Variants in RAD51B observed in about 807,000 individuals in gnomAD.
The protein encoded by RAD51B is RAD51 paralog B.
A neutral mutation model predicts 42.2 loss-of-function variants in RAD51B; 38 were observed. The ratio of observed to expected loss-of-function variants is 0.90; its 90% CI spans 0.70 to 1.18. The LOEUF is 1.18. RAD51B is among the 50% of genes most tolerant of loss of function. The pLI is 0.00. For synonymous variants in RAD51B, 154 were observed against 145.2 expected (o/e 1.06, Z -0.43); for missense variants, 373 against 400.7 (o/e 0.93, Z 0.59).
intron 7 of RAD51B, among the ~76,000 whole-genome samples, chr14:67,902,213 ATAT>A (rs2043635843): frequency 1.3e-5 from 2 of 152,110 alleles, no homozygotes; most frequent in African/African-American, 4.8e-5. Context: ...ATTACTAATA[ATAT>A]TAATAGATGA....
At chr14:68,647,018 A>G (rs891232205) in intron 10 of RAD51B, among the ~76,000 whole-genome samples, 1 of 152,234 alleles carries the variant, frequency 6.6e-6, no homozygotes, top group African/African-American at 2.4e-5. Context: ...GGTCAGATAT[A>G]TATGTAAGAT....
intron 7 of RAD51B, among the ~76,000 whole-genome samples, chr14:68,056,783 TAAG>T (rs1399540934): frequency 6.6e-6 from 1 of 150,988 alleles, no homozygotes; most frequent in African/African-American, 2.4e-5. Flanking sequence ...ATAAATAAAA[TAAG>T]AAATATTTAC....
At chr14:67,979,014 C>T (rs1333702645) in intron 7 of RAD51B, among the ~76,000 whole-genome samples, 1 of 152,134 alleles carries the variant, frequency 6.6e-6, no homozygotes, top group Admixed American at 6.6e-5. Flanking sequence ...GAAAATGCTT[C>T]CATATGCTAA....
chr14:68,384,380 C>T (rs1461987433), intron 8 of RAD51B, among the ~76,000 whole-genome samples: 1 of 152,158 alleles, frequency 6.6e-6, no homozygotes, highest in Non-Finnish European at 1.5e-5. Flanking sequence ...ATGGCTATGT[C>T]CTGGCTGGCC....
intron 7 of RAD51B, among the ~76,000 whole-genome samples, chr14:68,229,315 T>A (rs2080101801): frequency 6.6e-6 from 1 of 152,214 alleles, no homozygotes; most frequent in South Asian, 2.1e-4. Context: ...ATTGGCCTAA[T>A]TGTACTCTTG....
At chr14:67,837,532 G>C (rs1175711902) in intron 4 of RAD51B, among the ~76,000 whole-genome samples, 1 of 152,122 alleles carries the variant, frequency 6.6e-6, no homozygotes, top group Non-Finnish European at 1.5e-5. Context: ...CTTAGTAGGG[G>C]CAAATTCTCT....
chr14:68,473,177 A>C (rs1045193753), intron 10 of RAD51B, among the ~76,000 whole-genome samples: 1 of 152,234 alleles, frequency 6.6e-6, no homozygotes, highest in Non-Finnish European at 1.5e-5. Context: ...AGGTATCTGC[A>C]TGGTAAATAC....
downstream of RAD51B, among the ~76,000 whole-genome samples, chr14:68,481,978 A>T (rs934232687): frequency 3.9e-5 from 6 of 152,328 alleles, no homozygotes; most frequent in East Asian, 1.2e-3. Flanking sequence ...AGCAGAAGAC[A>T]TGCACAGGAA....
intron 7 of RAD51B, among the ~76,000 whole-genome samples, chr14:68,272,601 G>T (rs1364945076): frequency 2.1e-5 from 2 of 94,504 alleles, no homozygotes; most frequent in Non-Finnish European, 4.0e-5. Flanking sequence ...AAATTGAAAT[G>T]TTCTATTACC....
exon 11 of RAD51B, chr14:68,595,526 G>A: frequency 1.9e-6 from 2 of 1,066,722 alleles, no homozygotes; most frequent in Admixed American, 1.1e-4. Flanking sequence ...GGGTTGTGAA[G>A]TCTGTCTGGC....
rs552012813 is a variant in RAD51B at position 68,226,950 on chromosome 14, T to G, written c.757-64934T>G. The stretch of plus-strand genomic sequence containing the variant: ...TTTCTTTTTTTCTTCCAGAAATGTT[T>G]ATTATGCCCTACTAAATGATAGGCA... On this transcript the variant is annotated intron_variant, in intron 7 of 10. Transcript: ENST00000471583. Among the ~76,000 whole-genome samples the G allele has an allele frequency of 9.8e-4, 149 of 152,366 alleles. 2 individuals are homozygous for G. The South Asian group carries it at 0.03, about 30-fold the overall frequency.
chr14:68,316,861 A>C (rs1009184308), intron 8 of RAD51B, among the ~76,000 whole-genome samples: 4 of 152,218 alleles, frequency 2.6e-5, no homozygotes, highest in Non-Finnish European at 5.9e-5. Flanking sequence ...TATAAAATTC[A>C]CCCATTGTAA....
chr14:67,896,624 A>G (rs921145763), intron 7 of RAD51B, among the ~76,000 whole-genome samples: 2 of 152,224 alleles, frequency 1.3e-5, no homozygotes, highest in Non-Finnish European at 2.9e-5. Flanking sequence ...ATAACTGCTC[A>G]CTGTTTAATT....
intron 7 of RAD51B, among the ~76,000 whole-genome samples, chr14:68,226,254 C>T (rs1243671348): frequency 6.6e-6 from 1 of 152,156 alleles, no homozygotes; most frequent in Non-Finnish European, 1.5e-5. Flanking sequence ...AGGGAGCCAA[C>T]CTAAATGGCT....
chr14:67,950,936 G>T (rs539822505), intron 7 of RAD51B, among the ~76,000 whole-genome samples: 183 of 152,230 alleles, frequency 1.2e-3, no homozygotes, highest in African/African-American at 4.1e-3. Flanking sequence ...TGGCTGTCCT[G>T]GTGGAACAGT....
chr14:68,594,884 T>G (rs1890925495), exon 11 of RAD51B: 1 of 1,104,834 alleles, frequency 9.1e-7, no homozygotes, highest in Non-Finnish European at 1.1e-6. Context: ...CCCTCCACCA[T>G]GGAGTACATT....
intron 7 of RAD51B, among the ~76,000 whole-genome samples, chr14:68,088,489 T>G (rs974987654): frequency 6.6e-6 from 1 of 152,106 alleles, no homozygotes; most frequent in African/African-American, 2.4e-5. Context: ...TTTCATCTTC[T>G]TCCTTTCTTT....
chr14:68,637,114 C>G, intron 10 of RAD51B, among the ~76,000 whole-genome samples: 1 of 152,134 alleles, frequency 6.6e-6, no homozygotes, highest in Non-Finnish European at 1.5e-5. Context: ...GGGTCTTGCT[C>G]CATTGCTCAG....
At chr14:67,987,261 A>G (rs2075210797) in intron 7 of RAD51B, among the ~76,000 whole-genome samples, 1 of 152,164 alleles carries the variant, frequency 6.6e-6, no homozygotes, top group Admixed American at 6.5e-5. Context: ...CTATTTTGCT[A>G]TCAAGTAGTA....
Sources: gnomAD v4.1 joint callset for allele counts (sites outside exome capture counted in the v4.1 genomes callset) on GRCh38, gnomAD v4.1.1 for gene constraint, MANE v1.5 for transcripts, NCBI Gene and HGNC (gene_info 2026-07-23, HGNC 2026-07-21) for gene names.